RAVER2: variants seen among roughly 807,000 people sequenced by gnomAD.
RAVER2 encodes the protein ribonucleoprotein, PTB binding 2, also known as ribonucleoprotein PTB-binding 2.
A neutral mutation model predicts 78.1 loss-of-function variants in RAVER2; 46 were observed. The observed-to-expected ratio is 0.59, with a 90% confidence interval of 0.46 to 0.75. RAVER2 has a LOEUF of 0.75. RAVER2 is among the 30% of genes least tolerant of loss of function. The pLI is 0.00. For synonymous variants in RAVER2, 311 were observed against 313.3 expected (o/e 0.99, Z 0.08); for missense variants, 793 against 837.5 (o/e 0.95, Z 0.66).
intron 6 of RAVER2, among the ~76,000 whole-genome samples, chr1:64,803,271 ATAT>A (rs1325615336): frequency 6.6e-6 from 1 of 152,180 alleles, no homozygotes; most frequent in Non-Finnish European, 1.5e-5. Context: ...ACCATGATAA[ATAT>A]TATTGATTCC....
chr1:64,801,576 A>G (rs1653267120), intron 5 of RAVER2, among the ~76,000 whole-genome samples: 1 of 151,192 alleles, frequency 6.6e-6, no homozygotes, highest in Non-Finnish European at 1.5e-5. Flanking sequence ...GCAATAAAGA[A>G]TGGCTGCTCC....
intron 7 of RAVER2, 31 bp downstream of exon 7, chr1:64,804,869 T>C: frequency 6.6e-7 from 1 of 1,511,452 alleles, no homozygotes; most frequent in South Asian, 1.2e-5. Context: ...TCTTTTAAAA[T>C]CAGTTCATTT....
At chr1:64,788,652 C>T (rs1272124538) in intron 4 of RAVER2, among the ~76,000 whole-genome samples, 3 of 149,238 alleles carry the variant, frequency 2.0e-5, no homozygotes, top group Non-Finnish European at 3.0e-5. Flanking sequence ...ATTAGCCAGG[C>T]GTTGTGGCGG....
intron 6 of RAVER2, 84 bp from the exon 7 acceptor site, chr1:64,804,650 G>T (rs1261981350): frequency 3.0e-6 from 2 of 664,420 alleles, no homozygotes; most frequent in Non-Finnish European, 5.3e-6. Context: ...CAGATCGACT[G>T]GAGAATTGAA....
intron 9 of RAVER2, among the ~76,000 whole-genome samples, chr1:64,809,525 A>T (rs962489234): frequency 1.8e-5 from 2 of 113,442 alleles, no homozygotes; most frequent in African/African-American, 6.3e-5. Context: ...AATAAATAAA[A>T]GAGATTTGGA....
intron 11 of RAVER2, among the ~76,000 whole-genome samples, chr1:64,822,529 C>G (rs1262113518): frequency 6.6e-6 from 1 of 152,094 alleles, no homozygotes; most frequent in Non-Finnish European, 1.5e-5. Flanking sequence ...GAAAAATGAA[C>G]CATAGCAATG....
chr1:64,762,344 C>G (rs961802496), intron 1 of RAVER2, among the ~76,000 whole-genome samples: 1 of 150,658 alleles, frequency 6.6e-6, no homozygotes, highest in African/African-American at 2.4e-5. Flanking sequence ...TCAGTTGTTC[C>G]CAAACTGATC....
At chr1:64,807,309 T>A in exon 9 of RAVER2, 1 of 1,614,034 alleles carries the variant, frequency 6.2e-7, no homozygotes, top group Middle Eastern at 1.7e-4. Context: ...CAGGGCACAG[T>A]AATACTCAGG....
At chr1:64,802,893 T>A (rs1307624663) in intron 5 of RAVER2, 83 bp from the exon 6 acceptor site, 1 of 816,910 alleles carries the variant, frequency 1.2e-6, no homozygotes, top group East Asian at 2.8e-5. Flanking sequence ...AAAGAAATAT[T>A]CATTTACCCT....
intron 5 of RAVER2, among the ~76,000 whole-genome samples, chr1:64,792,009 T>A (rs1051343913): frequency 6.6e-6 from 1 of 152,178 alleles, no homozygotes; most frequent in Admixed American, 6.5e-5. Flanking sequence ...CCCCAGTATA[T>A]ACCATATATG....
chr1:64,753,983 C>A (rs1046389614), intron 1 of RAVER2, among the ~76,000 whole-genome samples: 1 of 152,038 alleles, frequency 6.6e-6, no homozygotes, highest in Non-Finnish European at 1.5e-5. Context: ...GTATGGTAGT[C>A]TAGTTGAGAT....
chr1:64,774,742 A>T (rs1032680811), intron 2 of RAVER2, among the ~76,000 whole-genome samples: 14 of 152,292 alleles, frequency 9.2e-5, no homozygotes, highest in African/African-American at 3.1e-4. Context: ...TGGGGATAGC[A>T]TTGAATCTAT....
At chr1:64,772,385 G>A (rs1299797129) in intron 2 of RAVER2, among the ~76,000 whole-genome samples, 1 of 152,026 alleles carries the variant, frequency 6.6e-6, no homozygotes, top group African/African-American at 2.4e-5. Context: ...TAAATTATTA[G>A]TTGATTTATA....
exon 12 of RAVER2, chr1:64,832,105 C>G (rs972787476): frequency 6.6e-6 from 1 of 152,610 alleles, no homozygotes. Context: ...TTTCTGTGCT[C>G]ATTTCATAGC....
chr1:64,819,064 G>T (rs1252423471), intron 11 of RAVER2, among the ~76,000 whole-genome samples: 1 of 152,042 alleles, frequency 6.6e-6, no homozygotes, highest in Admixed American at 6.6e-5. Context: ...AATAGAATCT[G>T]TAGGCTCTAC....
intron 2 of RAVER2, among the ~76,000 whole-genome samples, chr1:64,772,069 A>G (rs1405647782): frequency 1.3e-5 from 2 of 152,154 alleles, no homozygotes; most frequent in African/African-American, 4.8e-5. Flanking sequence ...CAATTGTGGG[A>G]TATTTAAATT....
chr1:64,763,213 T>C (rs1316676096), intron 1 of RAVER2, among the ~76,000 whole-genome samples: 2 of 151,796 alleles, frequency 1.3e-5, no homozygotes, highest in Non-Finnish European at 2.9e-5. Context: ...AGGAGAATGG[T>C]GTGAACCAGG....
intron 9 of RAVER2, among the ~76,000 whole-genome samples, chr1:64,807,719 A>G (rs760728457): frequency 2.6e-5 from 4 of 152,194 alleles, no homozygotes; most frequent in Non-Finnish European, 5.9e-5. Context: ...ATTATTTGCC[A>G]GTTTGTAAGT....
chr1:64,799,946 T>C (rs895739499), intron 5 of RAVER2, among the ~76,000 whole-genome samples: 2 of 152,154 alleles, frequency 1.3e-5, no homozygotes, highest in African/African-American at 4.8e-5. Flanking sequence ...ATAATTAGAA[T>C]TAGCTGTTCT....
Sources: gnomAD v4.1 joint callset for allele counts (sites outside exome capture counted in the v4.1 genomes callset) on GRCh38, gnomAD v4.1.1 for gene constraint, MANE v1.5 for transcripts, NCBI Gene and HGNC (gene_info 2026-07-23, HGNC 2026-07-21) for gene names.